Variants in PTPRD observed in about 807,000 individuals in gnomAD.
PTPRD encodes protein tyrosine phosphatase receptor type D.
PTPRD carries 34 observed loss-of-function variants against 214.5 expected under a neutral mutation model. The observed-to-expected ratio is 0.16, with a 90% confidence interval of 0.12 to 0.21. PTPRD has a LOEUF of 0.21. Ranked by LOEUF, PTPRD falls within the 10% of genes least tolerant of loss-of-function variation. The pLI is 1.00. For missense variants in PTPRD, 2,545 were observed against 2,398.7 expected (o/e 1.06, Z -1.27); for synonymous variants, 1,128 against 845.7 (o/e 1.33, Z -5.79).
chr9:9,846,255 A>C (rs750025699), intron 5 of PTPRD, among the ~76,000 whole-genome samples: 15 of 152,088 alleles, frequency 9.9e-5, no homozygotes, highest in Non-Finnish European at 1.9e-4. Flanking sequence ...GCAGCAAGGG[A>C]TATTTCACAA....
At position 9,480,846 on chromosome 9, in the gene PTPRD, T is replaced by C. The variant is rs188104463; in HGVS notation, c.-236-83364A>G. Among the ~76,000 whole-genome samples the C allele has an allele frequency of 1.2e-3, 177 of 152,186 alleles. 2 individuals carry two copies. Among genetic ancestry groups the C allele is most frequent in the South Asian group, 3.5e-3 (17 of 4,824 alleles). ...TGTGGTACGTGGACTGTCTCTGATATCATATTTGAAAGAAGAAAGGACTGC... is the reference window on the plus strand; with the variant it reads ...TGTGGTACGTGGACTGTCTCTGATACCATATTTGAAAGAAGAAAGGACTGC... On this transcript the variant is annotated intron_variant, in intron 8 of 45. Coordinates refer to ENST00000381196, the MANE Select transcript of PTPRD (RefSeq NM_002839.4).
At chr9:9,246,308 A>G (rs1025253656) in intron 9 of PTPRD, among the ~76,000 whole-genome samples, 20 of 152,028 alleles carry the variant, frequency 1.3e-4, no homozygotes, top group Non-Finnish European at 2.8e-4. Flanking sequence ...AATTGTTGAA[A>G]TTAAAACTGA....
At chr9:8,983,033 T>C (rs888305950) in intron 11 of PTPRD, among the ~76,000 whole-genome samples, 15 of 152,098 alleles carry the variant, frequency 9.9e-5, no homozygotes, top group Non-Finnish European at 1.5e-4. Flanking sequence ...TATTACTCTT[T>C]AATGTACTGT....
chr9:10,327,052 C>T (rs905909819), intron 3 of PTPRD, among the ~76,000 whole-genome samples: 1 of 151,088 alleles, frequency 6.6e-6, no homozygotes. Context: ...TTAACTGATT[C>T]TCTACTAGAC....
chr9:10,288,932 T>C (rs907954827), intron 3 of PTPRD, among the ~76,000 whole-genome samples: 4 of 152,086 alleles, frequency 2.6e-5, no homozygotes, highest in African/African-American at 9.7e-5. Context: ...ACTGACTATA[T>C]AATCGGCATC....
rs1273460068 is a variant in PTPRD at position 8,376,088 on chromosome 9, A to G, written c.4509T>C (p.Asn1503=). The change falls in exon 39 of 46, where the codon AAT becomes AAC. Residue 1503 remains asparagine (N), a splice_region_variant and synonymous_variant. Coordinates refer to ENST00000381196, the MANE Select transcript of PTPRD (RefSeq NM_002839.4). ...TCACTTCTCTCTTCTCACTTGAACC[A>G]TTCTGTGAAATAGGAATATCAGCTG... ...YCVRTFALYK[N]GSSEKREVRQ... is the part of the protein sequence containing the mutation. 1.2e-6 allele frequency: 2 copies of G among 1,611,628 alleles called. No individual in the cohort carries two copies. Among genetic ancestry groups the G allele is most frequent in the African/African-American group, 2.7e-5 (2 of 74,744 alleles).
rs1822133211 is a variant in PTPRD at position 8,316,798 on chromosome 9, T to TAA, written c.*1074_*1075dup. ...CTGATGTGCATTCCTCATTTCCCTT[T>TAA]AAAGAAATACCAATATGTCAAAAAA... is the stretch of plus-strand genomic sequence containing the variant. On this transcript the variant is annotated 3_prime_UTR_variant, in exon 46 of 46. Coordinates refer to ENST00000381196, the MANE Select transcript of PTPRD (RefSeq NM_002839.4). The TAA allele has an allele frequency of 8.6e-6, 2 of 231,256 alleles. No individual in the cohort carries two copies. Among genetic ancestry groups the TAA allele is most frequent in the South Asian group, 1.8e-4 (1 of 5,510 alleles). 14.3% of individuals were successfully genotyped at this position (231,256 alleles called of 1,614,324 possible).
intron 2 of PTPRD, among the ~76,000 whole-genome samples, chr9:10,458,677 T>C (rs78198889): frequency 0.071 from 10,744 of 152,068 alleles, 584 homozygotes; most frequent in African/African-American, 0.14. Flanking sequence ...AACACAGTAC[T>C]GAAGTACTAC....
At chr9:8,713,268 C>G in intron 12 of PTPRD, 1 of 662,940 alleles carries the variant, frequency 1.5e-6, no homozygotes, top group Non-Finnish European at 2.7e-6. Flanking sequence ...AAATCTTTAT[C>G]CACTGAGCTT....
At chr9:9,121,826 A>T (rs181516297) in intron 10 of PTPRD, among the ~76,000 whole-genome samples, 18 of 152,294 alleles carry the variant, frequency 1.2e-4, no homozygotes, top group African/African-American at 3.8e-4. Context: ...ATGGAAAAAT[A>T]AAATAAAATA....
chr9:8,758,974 C>T (rs1345342784), intron 11 of PTPRD, among the ~76,000 whole-genome samples: 6 of 151,732 alleles, frequency 4.0e-5, no homozygotes, highest in East Asian at 1.9e-4. Flanking sequence ...CGTGAGCCAC[C>T]GCACCTGGCC....
At chr9:8,770,773 G>A (rs753818139) in intron 11 of PTPRD, among the ~76,000 whole-genome samples, 5 of 151,982 alleles carry the variant, frequency 3.3e-5, no homozygotes, top group Admixed American at 6.5e-5. Flanking sequence ...GGGCAAAAAC[G>A]TCAAATATTC....
At position 10,518,677 on chromosome 9, in the gene PTPRD, C is replaced by T. The variant is rs562077546; in HGVS notation, c.-600+93721G>A. On this transcript the variant is annotated intron_variant, in intron 2 of 45. Transcript: ENST00000381196. ...CCTCCCAAGTAGCTGGGACTACAGG[C>T]GCCCGCCACCACACCCGGCTAATTT... Among the ~76,000 whole-genome samples, 52 of 151,886 alleles carry T rather than the reference C, an allele frequency of 3.4e-4. 3 individuals carry two copies. The highest frequency in any genetic ancestry group is 6.2e-4 in the South Asian group (3 of 4,814).
intron 9 of PTPRD, among the ~76,000 whole-genome samples, chr9:9,396,296 C>A (rs1046996122): frequency 3.9e-5 from 6 of 152,036 alleles, no homozygotes; most frequent in African/African-American, 1.4e-4. Context: ...CTATTTACAG[C>A]ATGGTCTTTA....
chr9:9,592,473 G>A (rs1241395948), intron 7 of PTPRD, among the ~76,000 whole-genome samples: 1 of 152,026 alleles, frequency 6.6e-6, no homozygotes, highest in Non-Finnish European at 1.5e-5. Context: ...GGTGGAGGTT[G>A]ACATTGAGGA....
intron 6 of PTPRD, among the ~76,000 whole-genome samples, chr9:9,743,823 G>T (rs1386239619): frequency 6.6e-6 from 1 of 150,646 alleles, no homozygotes; most frequent in Non-Finnish European, 1.5e-5. Context: ...TGGGTTCGAT[G>T]ATTTCTATTT....
intron 8 of PTPRD, among the ~76,000 whole-genome samples, chr9:9,491,825 T>A (rs551329364): frequency 6.6e-6 from 1 of 151,922 alleles, no homozygotes; most frequent in South Asian, 2.1e-4. Flanking sequence ...CAACAATCTA[T>A]CTTTACAACT....
intron 7 of PTPRD, among the ~76,000 whole-genome samples, chr9:9,580,119 TAGAC>T (rs1432187936): frequency 2.6e-5 from 4 of 152,162 alleles, no homozygotes; most frequent in African/African-American, 9.7e-5. Flanking sequence ...CATTTGTTGA[TAGAC>T]AGGTTATTTC....
chr9:8,719,656 C>G (rs2098471273), intron 12 of PTPRD, among the ~76,000 whole-genome samples: 1 of 152,116 alleles, frequency 6.6e-6, no homozygotes, highest in African/African-American at 2.4e-5. Flanking sequence ...GCTGTGGCTA[C>G]TTTCTTGTTA....
Sources: gnomAD v4.1 joint callset for allele counts (sites outside exome capture counted in the v4.1 genomes callset) on GRCh38, gnomAD v4.1.1 for gene constraint, MANE v1.5 for transcripts, NCBI Gene and HGNC (gene_info 2026-07-23, HGNC 2026-07-21) for gene names.